TMX3: variants seen among roughly 807,000 people sequenced by gnomAD.
The protein encoded by TMX3 is thioredoxin related transmembrane protein 3.
In TMX3, 40 loss-of-function variants were observed where a neutral mutation model predicts 64.4. The ratio of observed to expected loss-of-function variants is 0.62; its 90% CI spans 0.48 to 0.81. The LOEUF (loss-of-function observed/expected upper bound fraction) is 0.81, where lower values mean the gene tolerates loss of function less well. Ranked by LOEUF, TMX3 falls within the 30% of genes least tolerant of loss-of-function variation. The probability of loss-of-function intolerance (pLI) is 0.00; values close to 1 mark genes in which losing one functional copy is unlikely to be tolerated. For synonymous variants in TMX3, 189 were observed against 175.7 expected (o/e 1.08, Z -0.60); for missense variants, 497 against 534.5 (o/e 0.93, Z 0.69).
chr18:68,691,463 T>A, intron 8 of TMX3, 102 bp from the exon 9 acceptor site: 1 of 675,568 alleles, frequency 1.5e-6, no homozygotes, highest in Non-Finnish European at 2.4e-6. Context: ...CAAACACACA[T>A]AAAAATAACA....
chr18:68,687,914 T>G (rs1041737063), intron 9 of TMX3, 149 bp from the exon 10 acceptor site: 3 of 491,872 alleles, frequency 6.1e-6, no homozygotes, highest in Non-Finnish European at 1.0e-5. Context: ...AAGCATACAA[T>G]CAAATGTACA....
At chr18:68,702,221 GTT>G (rs939605531) in intron 4 of TMX3, among the ~76,000 whole-genome samples, 10 of 120,346 alleles carry the variant, frequency 8.3e-5, no homozygotes, top group Non-Finnish European at 1.3e-4. Flanking sequence ...TTCTTTTAGT[GTT>G]TTTTGAGTTT....
intron 8 of TMX3, among the ~76,000 whole-genome samples, chr18:68,693,227 C>T (rs1335363270): frequency 6.6e-6 from 1 of 152,170 alleles, no homozygotes; most frequent in Non-Finnish European, 1.5e-5. Context: ...AGCTGCTGCG[C>T]GAATGCCAGC....
intron 15 of TMX3, among the ~76,000 whole-genome samples, chr18:68,678,884 C>T (rs1418037944): frequency 6.8e-6 from 1 of 146,990 alleles, no homozygotes; most frequent in African/African-American, 2.5e-5. Flanking sequence ...TTTAATTCCA[C>T]ATTTAAAGTG....
Position 68,711,422 on chromosome 18 carries a change from A to G in TMX3, c.102-19T>C. ...TTTAAACCTAAAAAACAAGAAAACA[A>G]ATGTTTGATTGTATGTTTGTGTCCA... On this transcript the variant is annotated intron_variant, in intron 2 of 15. Transcript: ENST00000299608. 6.4e-7 allele frequency: 1 copy of G among 1,564,270 alleles called. No individual in the cohort carries two copies. The highest frequency in any genetic ancestry group is 8.7e-7 in the Non-Finnish European group (1 of 1,143,216).
At chr18:68,701,894 AT>A in intron 4 of TMX3, 104 bp from the exon 5 acceptor site, 1 of 824,156 alleles carries the variant, frequency 1.2e-6, no homozygotes, top group East Asian at 2.7e-5. Flanking sequence ...TATACAACCC[AT>A]ATAGATACGT....
intron 10 of TMX3, among the ~76,000 whole-genome samples, chr18:68,685,880 T>C (rs1254722784): frequency 6.6e-6 from 1 of 152,192 alleles, no homozygotes; most frequent in Non-Finnish European, 1.5e-5. Context: ...TGAATACGAA[T>C]TAACTGAGTA....
At chr18:68,700,771 T>C (rs2029977911) in intron 5 of TMX3, 4 of 985,188 alleles carry the variant, frequency 4.1e-6, no homozygotes, top group Admixed American at 6.1e-5. Flanking sequence ...TACACATTCA[T>C]GGTCAAGAGC....
chr18:68,699,860 T>C (rs970489976), intron 6 of TMX3, among the ~76,000 whole-genome samples: 2 of 152,214 alleles, frequency 1.3e-5, no homozygotes, highest in African/African-American at 4.8e-5. Flanking sequence ...GAACAGATCC[T>C]TTGGGTTTTA....
chr18:68,701,646 C>A (rs2030080241), intron 5 of TMX3, 99 bp downstream of exon 5: 1 of 1,567,748 alleles, frequency 6.4e-7, no homozygotes, highest in Non-Finnish European at 8.7e-7. Context: ...AAACCCCAAT[C>A]TTCAATCCTC....
intron 12 of TMX3, among the ~76,000 whole-genome samples, chr18:68,683,959 T>G (rs1381551021): frequency 6.6e-6 from 1 of 152,212 alleles, no homozygotes; most frequent in South Asian, 2.1e-4. Flanking sequence ...ATCATAAGTA[T>G]GTAGGTACAG....
At chr18:68,684,354 C>T in intron 11 of TMX3, 74 bp downstream of exon 11, 1 of 1,507,144 alleles carries the variant, frequency 6.6e-7, no homozygotes, top group East Asian at 2.3e-5. Flanking sequence ...AGTAAGATAC[C>T]ATATCAAGTC....
rs1366446110 is a variant in TMX3 at position 68,675,497 on chromosome 18, AAC to A, written c.*1434_*1435del. ...TCTTGATTAGTACGGCATTAGAAACAACAGAGGGCTGTCCTTGATGACTAAAT... is the reference window on the plus strand; with the variant it reads ...TCTTGATTAGTACGGCATTAGAAACAAGAGGGCTGTCCTTGATGACTAAAT... On this transcript the variant is annotated 3_prime_UTR_variant, in exon 16 of 16. Coordinates refer to ENST00000299608, the MANE Select transcript of TMX3 (RefSeq NM_019022.5). The A allele has an allele frequency of 6.6e-6, 1 of 152,178 alleles. No homozygotes were observed. Among genetic ancestry groups the A allele is most frequent in the East Asian group, 1.9e-4 (1 of 5,196 alleles). The allele number at this position is 152,178 out of a possible 1,614,324, so 9.4% of individuals were successfully genotyped here.
intron 8 of TMX3, among the ~76,000 whole-genome samples, 154 bp from the exon 9 acceptor site, chr18:68,691,515 A>G (rs1914522243): frequency 6.6e-6 from 1 of 152,234 alleles, no homozygotes; most frequent in Admixed American, 6.5e-5. Context: ...AGTCAATCCC[A>G]AACTCATCCA....
rs1302404818 is a variant in TMX3, at chr18:68,675,463, T to G, written c.*1470A>C. On this transcript the variant is annotated 3_prime_UTR_variant, in exon 16 of 16. Coordinates refer to ENST00000299608, the MANE Select transcript of TMX3 (RefSeq NM_019022.5). ...TTCCTTAGTACTTAAGATGCAAGTG[T>G]CCATACAGTCTTGATTAGTACGGCA... 6.6e-6 allele frequency: 1 copy of G among 152,128 alleles called. No homozygotes were observed. The highest frequency in any genetic ancestry group is 1.5e-5 in the Non-Finnish European group (1 of 68,018). 9.4% of individuals were successfully genotyped at this position (152,128 alleles called of 1,614,324 possible). A position where few individuals can be genotyped will look rare whatever the true frequency, so the allele number is the denominator to read the frequency against.
chr18:68,711,625 G>C (rs2031284441), intron 2 of TMX3, among the ~76,000 whole-genome samples: 1 of 152,142 alleles, frequency 6.6e-6, no homozygotes, highest in South Asian at 2.1e-4. Context: ...AAGACTCCAA[G>C]AAAAAGAATT....
At chr18:68,685,894 C>A (rs374190912) in intron 10 of TMX3, among the ~76,000 whole-genome samples, 163 of 152,158 alleles carry the variant, frequency 1.1e-3, no homozygotes, top group African/African-American at 3.9e-3. Context: ...CTGAGTATTT[C>A]CAAGCAAAGA....
intron 6 of TMX3, among the ~76,000 whole-genome samples, 194 bp from the exon 7 acceptor site, chr18:68,698,225 G>A (rs1161396691): frequency 6.6e-6 from 1 of 152,060 alleles, no homozygotes; most frequent in Non-Finnish European, 1.5e-5. Flanking sequence ...TACATAAAAG[G>A]TTAATATAGT....
intron 8 of TMX3, among the ~76,000 whole-genome samples, chr18:68,695,941 T>C (rs1915023739): frequency 6.6e-6 from 1 of 152,192 alleles, no homozygotes; most frequent in Non-Finnish European, 1.5e-5. Flanking sequence ...CACATTGGCC[T>C]ACTGTTTTGT....
Sources: gnomAD v4.1 joint callset for allele counts (sites outside exome capture counted in the v4.1 genomes callset) on GRCh38, gnomAD v4.1.1 for gene constraint, MANE v1.5 for transcripts, NCBI Gene and HGNC (gene_info 2026-07-23, HGNC 2026-07-21) for gene names.